GPR149: variants seen among roughly 807,000 people sequenced by gnomAD.
The protein encoded by GPR149 is G protein-coupled receptor 149.
GPR149 carries 50 observed loss-of-function variants against 50.2 expected under a neutral mutation model. The ratio of observed to expected loss-of-function variants is 1.00; its 90% confidence interval spans 0.79 to 1.26. The LOEUF (loss-of-function observed/expected upper bound fraction) is 1.26. Ranked by LOEUF, GPR149 falls within the 50% of genes most tolerant of loss-of-function variation. GPR149 has a pLI of 0.00. For missense variants in GPR149, 983 were observed against 895.4 expected (o/e 1.10, Z -1.25); for synonymous variants, 405 against 358.2 (o/e 1.13, Z -1.48).
intron 3 of GPR149, among the ~76,000 whole-genome samples, chr3:154,343,997 A>G (rs577910579): frequency 1.3e-5 from 2 of 152,242 alleles, no homozygotes; most frequent in South Asian, 4.1e-4. Context: ...CCAAAAAAAA[A>G]GAAAGAAAAA....
At position 154,337,816 on chromosome 3, in the gene GPR149, T is replaced by C. The variant is rs1161629182; in HGVS notation, c.2079A>G (p.Val693=). 2 of 1,614,040 alleles carry C rather than the reference T, an allele frequency of 1.2e-6. No homozygotes were observed. The highest frequency in any genetic ancestry group is 1.1e-5 in the South Asian group (1 of 91,080). ...TTTTACTGTTCTGCCTGTGTGCTTCTACTGTGTCTGGAATGGAGATATTAA... is the reference window on the plus strand; with the variant it reads ...TTTTACTGTTCTGCCTGTGTGCTTCCACTGTGTCTGGAATGGAGATATTAA... ...GDINISIPDT[V]EAHRQNSKRQ... is the part of the protein sequence containing the mutation. Residue 693 remains valine, a synonymous_variant, in exon 4 of 4, where the codon GTA becomes GTG. Coordinates refer to ENST00000389740, the MANE Select transcript of GPR149 (RefSeq NM_001038705.3).
chr3:154,388,280 A>G (rs1348289518), intron 3 of GPR149, among the ~76,000 whole-genome samples: 1 of 152,126 alleles, frequency 6.6e-6, no homozygotes, highest in Non-Finnish European at 1.5e-5. Context: ...ATGAGTAAAC[A>G]GCAGTATTCA....
In GPR149 at chr3:154,412,887, T is replaced by C. The variant is rs866293785; in HGVS notation, c.1623+8152A>G. 1.7e-4 allele frequency among the ~76,000 whole-genome samples: 26 copies of C among 151,954 alleles called. No individual in the cohort carries two copies. The South Asian group carries it at 2.7e-3, about 16-fold the overall frequency. The stretch of plus-strand genomic sequence containing the variant: ...AGAACAAATCTGGAGGCATTACATT[T>C]CCAAAATTCAAACTATATTACAAGG... On this transcript the variant is annotated intron_variant, in intron 3 of 3. Transcript: ENST00000389740.
At chr3:154,358,187 G>A (rs1044216634) in intron 3 of GPR149, among the ~76,000 whole-genome samples, 8 of 152,098 alleles carry the variant, frequency 5.3e-5, no homozygotes, top group African/African-American at 1.7e-4. Flanking sequence ...TATACCTAAT[G>A]TTAAATGACG....
At chr3:154,421,534 A>G in intron 2 of GPR149, 47 bp from the exon 3 acceptor site, 1 of 995,160 alleles carries the variant, frequency 1.0e-6, no homozygotes, top group Non-Finnish European at 1.5e-6. Context: ...AGGTAGATAA[A>G]GACAACATTG....
intron 3 of GPR149, among the ~76,000 whole-genome samples, chr3:154,345,061 C>T (rs1010644453): frequency 1.7e-4 from 26 of 152,138 alleles, no homozygotes; most frequent in Admixed American, 6.5e-4. Context: ...AAGAAGTGAA[C>T]ATTCTCTTGT....
intron 3 of GPR149, among the ~76,000 whole-genome samples, chr3:154,412,307 T>C: frequency 6.6e-6 from 1 of 152,084 alleles, no homozygotes; most frequent in African/African-American, 2.4e-5. Flanking sequence ...GGATGCCCAC[T>C]TTCATCACTT....
At chr3:154,425,514 A>G (rs1712267464) in intron 2 of GPR149, among the ~76,000 whole-genome samples, 1 of 152,086 alleles carries the variant, frequency 6.6e-6, no homozygotes, top group Non-Finnish European at 1.5e-5. Context: ...GTAGAAACAC[A>G]TCATTGTTAT....
intron 3 of GPR149, among the ~76,000 whole-genome samples, chr3:154,360,982 G>C (rs1441026900): frequency 6.6e-6 from 1 of 152,104 alleles, no homozygotes; most frequent in Non-Finnish European, 1.5e-5. Context: ...AGACTGCTCT[G>C]TTCTTTCTTC....
chr3:154,354,714 C>A, intron 3 of GPR149: 2 of 593,870 alleles, frequency 3.4e-6, no homozygotes, highest in Non-Finnish European at 5.3e-6. Flanking sequence ...CAATAAATAC[C>A]TTTTGCCTGT....
intron 3 of GPR149, among the ~76,000 whole-genome samples, chr3:154,406,392 C>A (rs1010869084): frequency 6.6e-6 from 1 of 151,998 alleles, no homozygotes; most frequent in Non-Finnish European, 1.5e-5. Flanking sequence ...TTTATTTGAC[C>A]GAGAAACTCT....
In GPR149 at chr3:154,366,374, T is replaced by G. The variant is rs564467353; in HGVS notation, c.1624-28103A>C. On this transcript the variant is annotated intron_variant, in intron 3 of 3. Transcript: ENST00000389740. ...GAAATCAAAATACTTTACTCCAAAATACATTTCTGTGACATAATTTAAAAT... is the reference window on the plus strand; with the variant it reads ...GAAATCAAAATACTTTACTCCAAAAGACATTTCTGTGACATAATTTAAAAT... Among the ~76,000 whole-genome samples, 9 of 152,318 alleles carry G rather than the reference T, an allele frequency of 5.9e-5. No individual in the cohort carries two copies. The South Asian group carries it at 1.9e-3, about 32-fold the overall frequency.
At chr3:154,342,544 G>T (rs1025334936) in intron 3 of GPR149, among the ~76,000 whole-genome samples, 2 of 152,092 alleles carry the variant, frequency 1.3e-5, no homozygotes, top group African/African-American at 4.8e-5. Flanking sequence ...AAGTAGCTGG[G>T]ATTAAAGGCG....
chr3:154,360,023 T>C (rs1056078315), intron 3 of GPR149, among the ~76,000 whole-genome samples: 7 of 151,890 alleles, frequency 4.6e-5, no homozygotes, highest in Non-Finnish European at 8.8e-5. Context: ...GCAAAACTTC[T>C]AAGAGTGCTG....
chr3:154,411,358 T>G (rs1711827203), intron 3 of GPR149, among the ~76,000 whole-genome samples: 1 of 151,836 alleles, frequency 6.6e-6, no homozygotes, highest in Admixed American at 6.6e-5. Flanking sequence ...CAGAACTAAA[T>G]GAAATTGAAA....
At chr3:154,417,643 T>C (rs1280196134) in intron 3 of GPR149, among the ~76,000 whole-genome samples, 1 of 152,004 alleles carries the variant, frequency 6.6e-6, no homozygotes, top group Non-Finnish European at 1.5e-5. Flanking sequence ...AGAAGTAGTG[T>C]TTTTATAGAG....
At position 154,428,505 on chromosome 3, in the gene GPR149, C is replaced by A. The variant is rs1369289186; in HGVS notation, c.981+130G>T. On this transcript the variant is annotated intron_variant, in intron 1 of 3. Coordinates refer to ENST00000389740, the MANE Select transcript of GPR149 (RefSeq NM_001038705.3). Reference sequence around the variant, plus strand: ...TTCTAAGTGCATGTCTAAAACCCAGCGAGATACACTTGGAAGCGGACTTCA... The same window carrying A: ...TTCTAAGTGCATGTCTAAAACCCAGAGAGATACACTTGGAAGCGGACTTCA... The A allele has an allele frequency of 1.1e-5, 11 of 1,046,572 alleles. No homozygotes were observed. In the South Asian group the frequency reaches 1.4e-4, roughly 13 times the overall value. 64.8% of individuals were successfully genotyped at this position (1,046,572 alleles called of 1,614,324 possible). A position where few individuals can be genotyped will look rare whatever the true frequency, so the allele number is the denominator to read the frequency against.
chr3:154,361,446 T>C (rs1181518754), intron 3 of GPR149, among the ~76,000 whole-genome samples: 1 of 152,230 alleles, frequency 6.6e-6, no homozygotes, highest in Non-Finnish European at 1.5e-5. Context: ...TTGATAGTGC[T>C]TTTTCAATTG....
intron 3 of GPR149, among the ~76,000 whole-genome samples, chr3:154,361,420 T>C (rs534079565): frequency 1.3e-5 from 2 of 152,342 alleles, no homozygotes; most frequent in Admixed American, 6.5e-5. Flanking sequence ...AATCTAGATG[T>C]TTCTTTGTAA....
Sources: allele counts gnomAD v4.1 joint callset (sites outside exome capture counted in the v4.1 genomes callset), GRCh38; gene constraint gnomAD v4.1.1; transcripts MANE v1.5; gene names NCBI Gene and HGNC (gene_info 2026-07-23, HGNC 2026-07-21).